Variants in SGSH observed in about 807,000 individuals in gnomAD.
The protein encoded by SGSH is heparan sulfate sulfatase.
Under a neutral mutation model 51.0 loss-of-function variants are expected in SGSH, and 48 were observed. The ratio of observed to expected loss-of-function variants is 0.94; its 90% confidence interval spans 0.75 to 1.20. The LOEUF (loss-of-function observed/expected upper bound fraction) is 1.20, where lower values mean the gene tolerates loss of function less well. Among genes scored for constraint, SGSH ranks in the 50% most tolerant of loss-of-function variants. The pLI, the probability that SGSH is intolerant of heterozygous loss-of-function variation, is 0.00. For synonymous variants in SGSH, 321 were observed against 313.4 expected (o/e 1.02, Z -0.26); for missense variants, 662 against 717.8 (o/e 0.92, Z 0.89).
rs1444515196 is a variant in SGSH, at chr17:80,212,778, T to C, written c.746-504A>G. On this transcript the variant is annotated intron_variant, in intron 6 of 7. Coordinates refer to ENST00000326317, the MANE Select transcript of SGSH (RefSeq NM_000199.5). The surrounding 1 kb of genome is among the most constrained non-coding windows in gnomAD (Gnocchi z 5.9). ...GTCGTCCCTGACCCCAAAAGACATG[T>C]GTGCTGGAATCTGTGAAGGGGTTCT... 1 of 221,608 alleles carries C rather than the reference T, an allele frequency of 4.5e-6. No homozygotes were observed. Among genetic ancestry groups the C allele is most frequent in the East Asian group, 1.1e-4 (1 of 8,938 alleles). 13.7% of individuals were successfully genotyped at this position (221,608 alleles called of 1,614,324 possible). A position where few individuals can be genotyped will look rare whatever the true frequency, so the allele number is the denominator to read the frequency against.
chr17:80,214,388 C>A (rs2041805738), intron 4 of SGSH, 60 bp from the exon 5 acceptor site: 2 of 1,569,728 alleles, frequency 1.3e-6, no homozygotes, highest in South Asian at 2.3e-5. Flanking sequence ...GCACAGGAAG[C>A]CCCTCGGCTC....
At position 80,212,105 on chromosome 17, in the gene SGSH, C is replaced by T; in HGVS notation, c.915G>A (p.Trp305Ter). The T allele has an allele frequency of 6.2e-7, 1 of 1,613,656 alleles. No individual in the cohort carries two copies. Among genetic ancestry groups the T allele is most frequent in the Non-Finnish European group, 8.5e-7 (1 of 1,180,034 alleles). The stretch of plus-strand genomic sequence containing the variant: ...TCACGTAGGCCTCGCTGACTTGGCC[C>T]CAGCGTTTTGGGTGCTCCGGGGATG... The part of the protein sequence containing the change: ...LVSSPEHPKR[W>*]GQVSEAYVSL... The change falls in exon 7 of 8, where the codon TGG becomes TGA. Residue 305 changes from tryptophan to a stop codon, truncating the protein, a stop_gained. Transcript: ENST00000326317. LOFTEE classifies it high-confidence loss of function. This position sits in a 1 kb window ranked among gnomAD's most constrained non-coding sequence, Gnocchi z 5.9.
chr17:80,206,974 C>T (rs749111630), downstream of SGSH: 5 of 1,610,484 alleles, frequency 3.1e-6, no homozygotes, highest in East Asian at 1.1e-4. Flanking sequence ...ACAAAGAACA[C>T]CCATGCCCTC....
chr17:80,207,693 A>G (rs551725716), downstream of SGSH: 7 of 166,204 alleles, frequency 4.2e-5, no homozygotes, highest in Admixed American at 1.3e-4. Flanking sequence ...TCACTGGAAA[A>G]TGACATTTTA....
chr17:80,202,640 A>ATCTGGGTTTCTTAGC (rs1220440053), downstream of SGSH: 7 of 1,393,286 alleles, frequency 5.0e-6, no homozygotes, highest in African/African-American at 1.0e-4. Flanking sequence ...AACATTCTAG[A>ATCTGGGTTTCTTAGC]TCTGGGTTTC....
At position 80,213,787 on chromosome 17, in the gene SGSH, C is replaced by T. The variant is rs778580350; in HGVS notation, c.745+17G>A. On this transcript the variant is annotated intron_variant, in intron 6 of 7. Transcript: ENST00000326317. This position sits in a 1 kb window ranked among gnomAD's most constrained non-coding sequence, Gnocchi z 4.6. ...CGGCCGTGGCACCCCCTCCAGTGCC[C>T]GGTTCTGCAAGCCCACCTTGGTCCA... is the stretch of plus-strand genomic sequence containing the variant. 2.5e-5 allele frequency: 39 copies of T among 1,589,836 alleles called. No individual in the cohort carries two copies. The highest frequency in any genetic ancestry group is 3.1e-5 in the Non-Finnish European group (36 of 1,172,980).
At position 80,213,815 on chromosome 17, in the gene SGSH, C is replaced by T. The variant is rs104894635; in HGVS notation, c.734G>A (p.Arg245His). The T allele has an allele frequency of 5.2e-4, 830 of 1,602,690 alleles. No homozygotes were observed. The highest frequency in any genetic ancestry group is 6.8e-4 in the Non-Finnish European group (806 of 1,177,350). ...TTCTGCAAGCCCACCTTGGTCCATGCGGCCGACGGTGGTGTACTGAGCGGC... is the reference window on the plus strand; with the variant it reads ...TTCTGCAAGCCCACCTTGGTCCATGTGGCCGACGGTGGTGTACTGAGCGGC... Reference protein sequence around the residue: ...DLAAQYTTVGRMDQGVGLVLQ... With the variant: ...DLAAQYTTVGHMDQGVGLVLQ... Residue 245 changes from arginine to histidine, a missense_variant, in exon 6 of 8, where the codon CGC becomes CAC. Transcript: ENST00000326317. The surrounding 1 kb of genome is among the most constrained non-coding windows in gnomAD (Gnocchi z 4.6).
chr17:80,210,281 C>T lies in SGSH; in HGVS notation c.*171G>A. On this transcript the variant is annotated 3_prime_UTR_variant, in exon 8 of 8. Coordinates refer to ENST00000326317, the MANE Select transcript of SGSH (RefSeq NM_000199.5). ...ACATGCTCTGGTCACATGCTCTGGT[C>T]CCCCTCCAGGCAATGGCAAGAGTGA... 1 of 1,432,948 alleles carries T rather than the reference C, an allele frequency of 7.0e-7. No homozygotes were observed. The highest frequency in any genetic ancestry group is 9.1e-7 in the Non-Finnish European group (1 of 1,097,936). 88.8% of individuals were successfully genotyped at this position (1,432,948 alleles called of 1,614,324 possible).
chr17:80,219,908 C>T (rs74000632), intron 1 of SGSH: 165 of 304,366 alleles, frequency 5.4e-4, no homozygotes, highest in African/African-American at 3.0e-3. Context: ...CTGGGATCCC[C>T]TCCCAAGAGG....
At chr17:80,204,427 C>T, downstream of SGSH, 1 of 1,296,830 alleles carries the variant, frequency 7.7e-7, no homozygotes, top group Non-Finnish European at 1.0e-6. Flanking sequence ...TCAGCTGGGG[C>T]AGGGGGATGC....
Position 80,210,125 on chromosome 17 carries a change from T to G in SGSH, c.*327A>C. 3.3e-6 allele frequency: 4 copies of G among 1,217,598 alleles called. No homozygotes were observed. The highest frequency in any genetic ancestry group is 4.1e-6 in the Non-Finnish European group (4 of 969,864). 75.4% of individuals were successfully genotyped at this position (1,217,598 alleles called of 1,614,324 possible). A position where few individuals can be genotyped will look rare whatever the true frequency, so the allele number is the denominator to read the frequency against. On this transcript the variant is annotated 3_prime_UTR_variant, in exon 8 of 8. Coordinates refer to ENST00000326317, the MANE Select transcript of SGSH (RefSeq NM_000199.5). ...GCCAGAAAACAAGACTCCCTTGTCA[T>G]GGGCTGGGGGCGCTGCCCTGTCCGC...
At chr17:80,220,113 G>A in intron 1 of SGSH, 113 bp downstream of exon 1, 1 of 682,584 alleles carries the variant, frequency 1.5e-6, no homozygotes, top group Non-Finnish European at 2.3e-6. Context: ...GGCAGCGGGG[G>A]ATACAAGGGC....
chr17:80,201,791 C>T, downstream of SGSH: 1 of 1,613,990 alleles, frequency 6.2e-7, no homozygotes, highest in Non-Finnish European at 8.5e-7. This position sits in a 1 kb window ranked among gnomAD's most constrained non-coding sequence, Gnocchi z 5.0. Flanking sequence ...TCCTGGAGGA[C>T]ACGACCCTGG....
chr17:80,209,242 G>T, downstream of SGSH: 1 of 868,370 alleles, frequency 1.2e-6, no homozygotes, highest in Non-Finnish European at 1.4e-6. Context: ...GAATCAGGAA[G>T]CTGTTCTAGA....
At chr17:80,203,054 G>C (rs989921485), downstream of SGSH, 1 of 152,552 alleles carries the variant, frequency 6.6e-6, no homozygotes, top group Non-Finnish European at 1.5e-5. This position sits in a 1 kb window ranked among gnomAD's most constrained non-coding sequence, Gnocchi z 4.6. Context: ...GATCATCTGA[G>C]GTCAGGAGTT....
At chr17:80,203,995 G>GAGCCCCCACCT, downstream of SGSH, 1 of 946,272 alleles carries the variant, frequency 1.1e-6, no homozygotes, top group Non-Finnish European at 1.6e-6. This position sits in a 1 kb window ranked among gnomAD's most constrained non-coding sequence, Gnocchi z 4.6. Flanking sequence ...CTGATTGGAG[G>GAGCCCCCACCT]GTAACCCCAC....
chr17:80,202,491 G>T (rs2041039168), downstream of SGSH: 1 of 1,561,970 alleles, frequency 6.4e-7, no homozygotes, highest in South Asian at 1.2e-5. Flanking sequence ...GCCTGCCTCG[G>T]CTTCCTCCTC....
chr17:80,216,805 G>A, intron 2 of SGSH: 1 of 576,536 alleles, frequency 1.7e-6, no homozygotes, highest in South Asian at 2.1e-5. Flanking sequence ...CAAGGAGGTA[G>A]GTGACTTGCT....
chr17:80,212,999 G>C lies in SGSH; in HGVS notation c.746-725C>G, dbSNP rs1055054603. On this transcript the variant is annotated intron_variant, in intron 6 of 7. Transcript: ENST00000326317. This position sits in a 1 kb window ranked among gnomAD's most constrained non-coding sequence, Gnocchi z 5.9. ...AGGTCAGGAGTTCAAGACCAGCCTG[G>C]CCAATGTGGTGAAACCCCGTCTCTA... 1 of 154,450 alleles carries C rather than the reference G, an allele frequency of 6.5e-6. No individual in the cohort carries two copies. The highest frequency in any genetic ancestry group is 2.4e-5 in the African/African-American group (1 of 41,424). The allele number at this position is 154,450 out of a possible 1,614,324, so 9.6% of individuals were successfully genotyped here.
Sources: gnomAD v4.1 joint callset for allele counts on GRCh38, gnomAD v4.1.1 for gene constraint, Gnocchi (gnomAD v3.1) non-coding constraint, MANE v1.5 for transcripts, NCBI Gene and HGNC (gene_info 2026-07-23, HGNC 2026-07-21) for gene names.